RUFY4: variants seen among roughly 807,000 people sequenced by gnomAD.
RUFY4 encodes the protein RUN and FYVE domain containing 4.
RUFY4 carries 73 observed loss-of-function variants against 69.0 expected under a neutral mutation model. The ratio of observed to expected loss-of-function variants is 1.06; its 90% CI spans 0.88 to 1.29. The LOEUF (loss-of-function observed/expected upper bound fraction) is 1.29. Ranked by LOEUF, RUFY4 falls within the 50% of genes most tolerant of loss-of-function variation. The pLI is 0.00. For synonymous variants in RUFY4, 287 were observed against 271.8 expected, an observed-to-expected ratio of 1.06 and a Z score of -0.55; for missense variants, 770 against 705.6, an observed-to-expected ratio of 1.09 and a Z score of -1.03.
chr2:218,041,045 C>G (rs150615184), intron 2 of RUFY4, among the ~76,000 whole-genome samples: 5 of 151,620 alleles, frequency 3.3e-5, no homozygotes, highest in Non-Finnish European at 7.4e-5. Context: ...TCTGAAAGGA[C>G]GTTTACACTT....
intron 5 of RUFY4, 86 bp downstream of exon 7, chr2:218,073,472 G>A: frequency 6.6e-7 from 1 of 1,519,034 alleles, no homozygotes; most frequent in Non-Finnish European, 8.9e-7. Flanking sequence ...CAAGCCCTCA[G>A]CCTCCAGCCC....
chr2:218,035,572 G>C lies in RUFY4; in HGVS notation c.-1158+178G>C, dbSNP rs934043. Among the ~76,000 whole-genome samples the C allele has an allele frequency of 2.5e-3, 386 of 151,648 alleles. 8 individuals are homozygous for C. In the East Asian group the frequency reaches 0.047, roughly 19 times the overall value. ...TGTCCCACTGCTGTACCACTGCCAC[G>C]CCACCCCAAACTCCAGCAGCCACAG... On this transcript the variant is annotated intron_variant and NMD_transcript_variant, in intron 2 of 13. Coordinates refer to the RUFY4 transcript ENST00000457754.
chr2:218,064,220 C>T (rs1474454942), intron 3 of RUFY4, among the ~76,000 whole-genome samples: 2 of 152,150 alleles, frequency 1.3e-5, no homozygotes, highest in Non-Finnish European at 2.9e-5. Context: ...CAGAAGGGCT[C>T]AAGGCCAGGC....
rs554093438 is a variant in RUFY4, at chr2:218,060,919, C to T, written c.-1071+2238C>T. ...AGTAACAGGAACAGGTTCCACAAAC[C>T]CAGACATATGAACTTGACCAAGTGG... On this transcript the variant is annotated intron_variant and NMD_transcript_variant, in intron 3 of 13. Coordinates refer to the RUFY4 transcript ENST00000457754. 9.1e-4 allele frequency: 891 copies of T among 978,542 alleles called. 11 individuals are homozygous for T. The South Asian group carries it at 0.011, about 12-fold the overall frequency. The allele number at this position is 978,542 out of a possible 1,614,324, so 60.6% of individuals were successfully genotyped here.
At chr2:218,041,857 AT>A (rs914497340) in intron 2 of RUFY4, among the ~76,000 whole-genome samples, 3 of 152,120 alleles carry the variant, frequency 2.0e-5, no homozygotes, top group African/African-American at 4.8e-5. Flanking sequence ...TACTTTAACA[AT>A]TTTCCCTTTT....
At chr2:218,073,609 G>A (rs1468956172) in intron 5 of RUFY4, among the ~76,000 whole-genome samples, 1 of 152,220 alleles carries the variant, frequency 6.6e-6, no homozygotes, top group East Asian at 1.9e-4. Context: ...GGTGGTTGAG[G>A]TGGAGGGCTG....
At chr2:218,078,858 T>TTTTTG (rs1338298053) in intron 8 of RUFY4, among the ~76,000 whole-genome samples, 38 of 152,160 alleles carry the variant, frequency 2.5e-4, no homozygotes, top group Admixed American at 2.2e-3. Context: ...GTTGTTGGTT[T>TTTTTG]TTTTGTTTTG....
chr2:218,064,673 G>A (rs1363782662), upstream of RUFY4, among the ~76,000 whole-genome samples: 3 of 152,146 alleles, frequency 2.0e-5, no homozygotes, highest in African/African-American at 4.8e-5. Context: ...TTTAGGAGGG[G>A]AAGAGAGGGT....
chr2:218,043,174 G>C (rs1185464934), intron 2 of RUFY4, among the ~76,000 whole-genome samples: 1 of 152,128 alleles, frequency 6.6e-6, no homozygotes. Context: ...TCTCAGCAGA[G>C]AGGAGGCCCT....
intron 10 of RUFY4, chr2:218,089,668 C>G (rs542181064): frequency 1.4e-6 from 1 of 703,084 alleles, no homozygotes; most frequent in African/African-American, 1.7e-5. Flanking sequence ...TGCTCCCCCT[C>G]CTTCCTCTGT....
rs188405743 is a variant in RUFY4 at position 218,035,957 on chromosome 2, C to G, written c.-1158+563C>G. 4.6e-5 allele frequency among the ~76,000 whole-genome samples: 7 copies of G among 152,332 alleles called. No individual in the cohort carries two copies. In the South Asian group the frequency reaches 6.2e-4, roughly 14 times the overall value. ...GCCCTCCATGGGGAACATGGGGACACTCCCAGCCTAGTGTCCACATGGCAT... is the reference window on the plus strand; with the variant it reads ...GCCCTCCATGGGGAACATGGGGACAGTCCCAGCCTAGTGTCCACATGGCAT... On this transcript the variant is annotated intron_variant and NMD_transcript_variant, in intron 2 of 13. Transcript: ENST00000457754.
At chr2:218,068,843 G>A (rs1689410326), upstream of RUFY4, 4 of 152,582 alleles carry the variant, frequency 2.6e-5, no homozygotes, top group Non-Finnish European at 5.9e-5. Flanking sequence ...GAGAAGGAAG[G>A]AGGAGCGTGG....
intron 2 of RUFY4, among the ~76,000 whole-genome samples, chr2:218,053,009 A>G (rs1471077405): frequency 6.6e-6 from 1 of 152,098 alleles, no homozygotes; most frequent in Non-Finnish European, 1.5e-5. Flanking sequence ...ACCCAGGCTC[A>G]AGTGCAATCG....
intron 2 of RUFY4, among the ~76,000 whole-genome samples, chr2:218,058,065 GATC>G (rs1689101608): frequency 1.3e-5 from 2 of 152,192 alleles, no homozygotes; most frequent in South Asian, 4.1e-4. Flanking sequence ...TTAAAAGAGA[GATC>G]ATCAAATTGC....
exon 1 of RUFY4, chr2:218,070,617 G>A (rs1167736099): frequency 1.3e-6 from 2 of 1,537,606 alleles, no homozygotes; most frequent in Non-Finnish European, 8.7e-7. Context: ...TGGCAGAAGA[G>A]GGAGCCATCC....
At chr2:218,068,287 G>T (rs1689398791), upstream of RUFY4, among the ~76,000 whole-genome samples, 2 of 152,060 alleles carry the variant, frequency 1.3e-5, no homozygotes, top group Admixed American at 6.5e-5. Flanking sequence ...TGCTGGAGGA[G>T]CGCAGGGGCA....
chr2:218,070,728 C>A, intron 1 of RUFY4, 25 bp from the exon 4 acceptor site: 1 of 1,536,022 alleles, frequency 6.5e-7, no homozygotes, highest in Non-Finnish European at 8.7e-7. Flanking sequence ...CCTCAGCGAC[C>A]TGACATCTGC....
intron 2 of RUFY4, among the ~76,000 whole-genome samples, chr2:218,043,083 T>C (rs920995391): frequency 4.0e-5 from 6 of 151,108 alleles, no homozygotes; most frequent in African/African-American, 1.5e-4. Flanking sequence ...AGAAGGTTTA[T>C]TGCATGTTAG....
At chr2:218,045,632 G>A (rs1184533866) in intron 2 of RUFY4, among the ~76,000 whole-genome samples, 1 of 151,944 alleles carries the variant, frequency 6.6e-6, no homozygotes, top group East Asian at 1.9e-4. Context: ...TTGATATTTT[G>A]TTAATAGTTT....
Sources: allele counts gnomAD v4.1 joint callset (sites outside exome capture counted in the v4.1 genomes callset), GRCh38; gene constraint gnomAD v4.1.1; transcripts MANE v1.5; gene names NCBI Gene and HGNC (gene_info 2026-07-23, HGNC 2026-07-21).